ADGRB3: variants seen among roughly 807,000 people sequenced by gnomAD.
The protein encoded by ADGRB3 is brain-specific angiogenesis inhibitor 3.
Under a neutral mutation model 193.4 loss-of-function variants are expected in ADGRB3, and 37 were observed. That is an observed-to-expected ratio of 0.19 (90% confidence interval 0.15 to 0.25). The LOEUF is 0.25. ADGRB3 is among the 10% of genes least tolerant of loss of function. ADGRB3 has a pLI of 1.00. For missense variants in ADGRB3, 1,637 were observed against 1,852.9 expected (o/e 0.88, Z 2.14); for synonymous variants, 690 against 644.2 (o/e 1.07, Z -1.08).
At chr6:69,148,348 A>G (rs1010758589) in intron 17 of ADGRB3, among the ~76,000 whole-genome samples, 1 of 152,146 alleles carries the variant, frequency 6.6e-6, no homozygotes, top group Non-Finnish European at 1.5e-5. Flanking sequence ...ATGTCTTATA[A>G]CCCATTGTTT....
chr6:68,840,271 T>C (rs1319879032), intron 3 of ADGRB3, among the ~76,000 whole-genome samples: 1 of 151,864 alleles, frequency 6.6e-6, no homozygotes, highest in Non-Finnish European at 1.5e-5. Context: ...CCTTTCTTTT[T>C]TCTGTAGAAG....
rs138369224 is a variant in ADGRB3, at chr6:68,932,298, G to A, written c.868+1629G>A. Among the ~76,000 whole-genome samples, 399 of 152,270 alleles carry A rather than the reference G, an allele frequency of 2.6e-3. 1 individual carries two copies. The highest frequency in any genetic ancestry group is 9.1e-3 in the African/African-American group (380 of 41,562). ...AATTTCCAATAGCGTAACATGATTA[G>A]TTTATGTGTAAATATTATGCAATTT... On this transcript the variant is annotated intron_variant, in intron 4 of 31. Coordinates refer to ENST00000370598, the MANE Select transcript of ADGRB3 (RefSeq NM_001704.3).
In ADGRB3 at chr6:69,283,644, A is replaced by G. The variant is rs1018447264; in HGVS notation, c.2815-41228A>G. Among the ~76,000 whole-genome samples, 220 of 149,652 alleles carry G rather than the reference A, an allele frequency of 1.5e-3. 1 individual carries two copies. Among genetic ancestry groups the G allele is most frequent in the South Asian group, 1.1e-3 (5 of 4,714 alleles). ...GCTTAGCACATTGGTTGGCTTATGG[A>G]AAAAAAAAAGCCATAACTAGCAGCT... On this transcript the variant is annotated intron_variant, in intron 20 of 31. Coordinates refer to ENST00000370598, the MANE Select transcript of ADGRB3 (RefSeq NM_001704.3).
At chr6:69,025,645 C>G (rs908010321) in intron 13 of ADGRB3, among the ~76,000 whole-genome samples, 182 of 151,846 alleles carry the variant, frequency 1.2e-3, no homozygotes, top group African/African-American at 4.2e-3. Flanking sequence ...CCTTGCTAAA[C>G]ACCTGAAGCT....
chr6:69,223,039 T>C (rs1286065525), intron 17 of ADGRB3, among the ~76,000 whole-genome samples: 2 of 152,122 alleles, frequency 1.3e-5, no homozygotes, highest in Non-Finnish European at 2.9e-5. Context: ...ACTCCACCCA[T>C]CTCTATTTTC....
chr6:68,800,814 A>C (rs554017227), intron 3 of ADGRB3, among the ~76,000 whole-genome samples: 97 of 151,386 alleles, frequency 6.4e-4, no homozygotes, highest in African/African-American at 2.3e-3. Context: ...TAAAAGCATT[A>C]ATATTATGAC....
At chr6:69,297,270 A>G (rs1767842110) in intron 20 of ADGRB3, among the ~76,000 whole-genome samples, 1 of 151,808 alleles carries the variant, frequency 6.6e-6, no homozygotes, top group South Asian at 2.1e-4. Flanking sequence ...CACTATGTAA[A>G]TGACTTTCTA....
intron 3 of ADGRB3, among the ~76,000 whole-genome samples, chr6:68,790,451 A>T (rs1465264414): frequency 6.6e-6 from 1 of 152,204 alleles, no homozygotes; most frequent in Non-Finnish European, 1.5e-5. Context: ...TGGTTCTCCC[A>T]GCACGCAGCT....
intron 20 of ADGRB3, among the ~76,000 whole-genome samples, chr6:69,286,873 A>G (rs1289749476): frequency 6.6e-6 from 1 of 152,214 alleles, no homozygotes; most frequent in Non-Finnish European, 1.5e-5. Context: ...ACTGCTGTTA[A>G]ATATGTAATG....
intron 3 of ADGRB3, among the ~76,000 whole-genome samples, chr6:68,748,083 T>C (rs1357892516): frequency 6.6e-6 from 1 of 152,138 alleles, no homozygotes; most frequent in African/African-American, 2.4e-5. Flanking sequence ...TTGCCTCCCA[T>C]TGGGTCCCTC....
At chr6:69,071,504 T>C (rs1232923842) in intron 16 of ADGRB3, among the ~76,000 whole-genome samples, 1 of 152,130 alleles carries the variant, frequency 6.6e-6, no homozygotes, top group African/African-American at 2.4e-5. Context: ...ATGTAGAACA[T>C]CTATGGCAAT....
At chr6:68,693,959 A>T (rs1465143948) in intron 3 of ADGRB3, among the ~76,000 whole-genome samples, 1 of 152,042 alleles carries the variant, frequency 6.6e-6, no homozygotes, top group Non-Finnish European at 1.5e-5. Context: ...AAACTAAGTA[A>T]TGCAAGGTAT....
intron 20 of ADGRB3, among the ~76,000 whole-genome samples, chr6:69,266,794 C>G (rs1767051397): frequency 6.6e-6 from 1 of 151,798 alleles, no homozygotes; most frequent in Admixed American, 6.6e-5. Context: ...ATCTGCATGC[C>G]ATAGTAAACT....
At chr6:68,702,510 A>G (rs1327784545) in intron 3 of ADGRB3, among the ~76,000 whole-genome samples, 3 of 152,214 alleles carry the variant, frequency 2.0e-5, no homozygotes, top group African/African-American at 7.2e-5. Context: ...CATTAATTCA[A>G]TATATCAAAT....
At chr6:69,132,975 A>G (rs1774052055) in intron 17 of ADGRB3, among the ~76,000 whole-genome samples, 1 of 151,958 alleles carries the variant, frequency 6.6e-6, no homozygotes, top group Admixed American at 6.6e-5. Flanking sequence ...GTTCTGTTCC[A>G]TTGGTCTATA....
At chr6:69,037,713 T>C (rs752357822) in intron 13 of ADGRB3, among the ~76,000 whole-genome samples, 2 of 152,114 alleles carry the variant, frequency 1.3e-5, no homozygotes, top group Non-Finnish European at 2.9e-5. Context: ...GTGGTATCTT[T>C]CCCTATTTAT....
At chr6:68,769,469 A>T (rs542368428) in intron 3 of ADGRB3, among the ~76,000 whole-genome samples, 8 of 152,194 alleles carry the variant, frequency 5.3e-5, no homozygotes. Context: ...GTTCTCACTC[A>T]TAAGTCGGAG....
At chr6:68,663,007 T>C (rs887294071) in intron 3 of ADGRB3, among the ~76,000 whole-genome samples, 1 of 151,188 alleles carries the variant, frequency 6.6e-6, no homozygotes, top group African/African-American at 2.4e-5. Context: ...AGTAAACCCA[T>C]TACGTCAGCT....
intron 3 of ADGRB3, among the ~76,000 whole-genome samples, chr6:68,919,591 C>T (rs1026695619): frequency 1.1e-4 from 16 of 151,756 alleles, no homozygotes; most frequent in African/African-American, 3.9e-4. Context: ...GATGAAGAGT[C>T]ACTAAGGCAA....
Sources: allele counts gnomAD v4.1 joint callset (sites outside exome capture counted in the v4.1 genomes callset), GRCh38; gene constraint gnomAD v4.1.1; transcripts MANE v1.5; gene names NCBI Gene and HGNC (gene_info 2026-07-23, HGNC 2026-07-21).